The following HLCS variants were observed in gnomAD, a reference collection of about 807,000 sequenced individuals.
HLCS encodes holocarboxylase synthetase, also known as biotin--protein ligase.
In HLCS, 53 loss-of-function variants were observed where a neutral mutation model predicts 75.0. That is an observed-to-expected ratio of 0.71 (90% CI 0.57 to 0.89). The LOEUF (loss-of-function observed/expected upper bound fraction) is 0.89. Ranked by LOEUF, HLCS falls within the 40% of genes least tolerant of loss-of-function variation. The probability of loss-of-function intolerance (pLI) is 0.00; values close to 1 mark genes in which losing one functional copy is unlikely to be tolerated. For synonymous variants in HLCS, 431 were observed against 428.6 expected (o/e 1.01, Z -0.07); for missense variants, 966 against 1,074.0 (o/e 0.90, Z 1.41).
chr21:36,839,529 G>A (rs2062544038), intron 6 of HLCS, among the ~76,000 whole-genome samples: 1 of 152,202 alleles, frequency 6.6e-6, no homozygotes, highest in African/African-American at 2.4e-5. Flanking sequence ...GTAGCCCAGG[G>A]AAGAAAGGAC....
chr21:36,906,812 G>T (rs1338816311), intron 5 of HLCS, among the ~76,000 whole-genome samples: 1 of 152,006 alleles, frequency 6.6e-6, no homozygotes, highest in Non-Finnish European at 1.5e-5. Flanking sequence ...TAAAGTTGCA[G>T]TATATCAAGA....
chr21:36,947,477 A>C lies in HLCS; in HGVS notation c.331-8483T>G, dbSNP rs1320212589. The C allele has an allele frequency of 3.0e-6, 3 of 985,300 alleles. No homozygotes were observed. In the Admixed American group the frequency reaches 1.8e-4, roughly 61 times the overall value. 61.0% of individuals were successfully genotyped at this position (985,300 alleles called of 1,614,324 possible). On this transcript the variant is annotated intron_variant, in intron 2 of 10. Transcript: ENST00000674895. ...AGGGTGTTTGCCTTCCAGTGGATAA[A>C]GGCAAACAGGACACTTTAAATTTGC...
At chr21:36,806,371 A>G (rs2061360268) in intron 6 of HLCS, 1 of 152,186 alleles carries the variant, frequency 6.6e-6, no homozygotes, top group Non-Finnish European at 1.5e-5. Flanking sequence ...TTGAGATATG[A>G]CAGAGACAAA....
intron 6 of HLCS, among the ~76,000 whole-genome samples, chr21:36,838,437 G>C (rs2062495563): frequency 1.3e-5 from 2 of 152,066 alleles, no homozygotes; most frequent in Non-Finnish European, 2.9e-5. Flanking sequence ...CAGGTGCAGT[G>C]GTTCATGCCT....
intron 6 of HLCS, among the ~76,000 whole-genome samples, chr21:36,788,273 C>T (rs778230805): frequency 9.2e-5 from 14 of 152,168 alleles, no homozygotes; most frequent in Admixed American, 5.2e-4. Context: ...CATGCTGTGC[C>T]GAGCTCATGA....
chr21:36,881,105 G>A (rs1376661487), intron 6 of HLCS, among the ~76,000 whole-genome samples: 1 of 152,064 alleles, frequency 6.6e-6, no homozygotes, highest in Non-Finnish European at 1.5e-5. Flanking sequence ...AACTAGCTGG[G>A]ACTACAGGTG....
At chr21:36,889,557 C>T (rs908923933) in intron 6 of HLCS, among the ~76,000 whole-genome samples, 1 of 152,196 alleles carries the variant, frequency 6.6e-6, no homozygotes, top group Non-Finnish European at 1.5e-5. Context: ...TACGTCAAGG[C>T]AGACTGAACT....
chr21:36,962,006 T>A (rs1569254931), intron 2 of HLCS, 30 bp downstream of exon 2: 2 of 1,270,704 alleles, frequency 1.6e-6, no homozygotes, highest in African/African-American at 3.1e-5. Flanking sequence ...CATCAGTTCC[T>A]TATGGGACAC....
chr21:36,904,932 A>G (rs948957624), intron 5 of HLCS, among the ~76,000 whole-genome samples: 2 of 152,234 alleles, frequency 1.3e-5, no homozygotes, highest in Admixed American at 6.5e-5. Context: ...GGGCTGACAT[A>G]TAAGTAGCAC....
At chr21:36,805,933 C>G (rs1010282551) in intron 6 of HLCS, 3 of 152,200 alleles carry the variant, frequency 2.0e-5, no homozygotes, top group Non-Finnish European at 4.4e-5. Context: ...CTCCATAACT[C>G]TTCATGGGCC....
chr21:36,748,779 A>G lies in HLCS; in HGVS notation c.*5467T>C, dbSNP rs1268782129. Reference sequence around the variant, plus strand: ...AAGCTCTTACTTCCCCCTAACCCCTATGAACTCTTGATAACACCAAGAGTA... The same window carrying G: ...AAGCTCTTACTTCCCCCTAACCCCTGTGAACTCTTGATAACACCAAGAGTA... On this transcript the variant is annotated 3_prime_UTR_variant, in exon 11 of 11. Coordinates refer to ENST00000674895, the MANE Select transcript of HLCS (RefSeq NM_001352514.2). The G allele has an allele frequency of 6.6e-6, 1 of 152,614 alleles. No individual in the cohort carries two copies. Among genetic ancestry groups the G allele is most frequent in the African/African-American group, 2.4e-5 (1 of 41,446 alleles). 9.5% of individuals were successfully genotyped at this position (152,614 alleles called of 1,614,324 possible).
chr21:36,784,520 T>G (rs2060631019), intron 6 of HLCS, among the ~76,000 whole-genome samples: 1 of 152,044 alleles, frequency 6.6e-6, no homozygotes, highest in South Asian at 2.1e-4. Flanking sequence ...TTTGCCATGT[T>G]GGCCAGGCTG....
In HLCS at chr21:36,914,785, G is replaced by A. The variant is rs565454171; in HGVS notation, c.1620+15466C>T. 1.6e-4 allele frequency among the ~76,000 whole-genome samples: 24 copies of A among 152,318 alleles called. 1 individual carries two copies. The highest frequency in any genetic ancestry group is 1.0e-3 in the Admixed American group (16 of 15,306). ...CCACTGCCTCCACAATGAGAGACGC[G>A]AACTTCCACTCACTGGTCTCGTGGG... On this transcript the variant is annotated intron_variant, in intron 5 of 10. Transcript: ENST00000674895.
At chr21:36,850,957 T>C (rs1230903802) in intron 6 of HLCS, among the ~76,000 whole-genome samples, 1 of 152,110 alleles carries the variant, frequency 6.6e-6, no homozygotes, top group Non-Finnish European at 1.5e-5. Context: ...GGCGAGGATA[T>C]GCCATTGTTG....
chr21:36,946,770 C>T (rs2067417897), intron 2 of HLCS, among the ~76,000 whole-genome samples: 1 of 152,178 alleles, frequency 6.6e-6, no homozygotes, highest in Non-Finnish European at 1.5e-5. Context: ...TGTATCTTTC[C>T]TTCCACTTTA....
intron 6 of HLCS, among the ~76,000 whole-genome samples, chr21:36,812,547 T>C (rs990263576): frequency 1.3e-5 from 2 of 152,184 alleles, no homozygotes; most frequent in African/African-American, 4.8e-5. Flanking sequence ...AGCTCAAAAA[T>C]ATAGCTCTCA....
intron 4 of HLCS, among the ~76,000 whole-genome samples, chr21:36,931,375 C>T (rs1336367499): frequency 6.7e-6 from 1 of 150,190 alleles, no homozygotes; most frequent in Non-Finnish European, 1.5e-5. Flanking sequence ...ATGGGTCATG[C>T]TGGAAACTTC....
At chr21:36,786,625 A>T (rs1309018827) in intron 6 of HLCS, among the ~76,000 whole-genome samples, 1 of 152,234 alleles carries the variant, frequency 6.6e-6, no homozygotes, top group Non-Finnish European at 1.5e-5. Flanking sequence ...AACCAAACAC[A>T]TAAATCTTTT....
At chr21:36,759,159 C>T (rs953008563) in intron 9 of HLCS, 3 of 471,046 alleles carry the variant, frequency 6.4e-6, no homozygotes, top group Non-Finnish European at 1.3e-5. Context: ...AGATTAGGTT[C>T]TACTGCCACA....
Sources: allele counts gnomAD v4.1 joint callset (sites outside exome capture counted in the v4.1 genomes callset), GRCh38; gene constraint gnomAD v4.1.1; transcripts MANE v1.5; gene names NCBI Gene and HGNC (gene_info 2026-07-23, HGNC 2026-07-21).